The following IGSF5 variants were observed in gnomAD, a reference collection of about 807,000 sequenced individuals.
IGSF5 encodes immunoglobulin superfamily 5 like.
In IGSF5, 41 loss-of-function variants were observed where a neutral mutation model predicts 39.4. The observed-to-expected ratio is 1.04, with a 90% confidence interval of 0.81 to 1.35. The LOEUF is 1.35. IGSF5 is among the 40% of genes most tolerant of loss of function. IGSF5 has a pLI of 0.00. For missense variants in IGSF5, 487 were observed against 494.6 expected (o/e 0.98, Z 0.15); for synonymous variants, 183 against 175.3 (o/e 1.04, Z -0.34).
intron 5 of IGSF5, among the ~76,000 whole-genome samples, chr21:39,784,496 A>G (rs781050203): frequency 2.6e-5 from 4 of 152,224 alleles, no homozygotes; most frequent in Non-Finnish European, 5.9e-5. Context: ...ACTATCCTAT[A>G]GATTGGTAGT....
intron 2 of IGSF5, among the ~76,000 whole-genome samples, chr21:39,761,574 T>C (rs772976494): frequency 6.6e-6 from 1 of 152,144 alleles, no homozygotes; most frequent in Non-Finnish European, 1.5e-5. Context: ...ACAAATCAAA[T>C]AATCCAATTA....
chr21:39,738,594 G>C, the IGSF5 span, among the ~76,000 whole-genome samples: 7 of 152,182 alleles, frequency 4.6e-5, no homozygotes, highest in Admixed American at 2.0e-4. This position sits in a 1 kb window ranked among gnomAD's most constrained non-coding sequence, Gnocchi z 6.4. Context: ...ACCCAAACAA[G>C]TGGTTCGATT....
At chr21:39,794,821 CT>C (rs2086985697) in intron 8 of IGSF5, among the ~76,000 whole-genome samples, 2 of 152,068 alleles carry the variant, frequency 1.3e-5, no homozygotes, top group Non-Finnish European at 2.9e-5. Flanking sequence ...TGTGTGGCCC[CT>C]GATCATTCTT....
chr21:39,770,876 T>C (rs2837199), intron 3 of IGSF5, 40 bp from the exon 4 acceptor site: 491,024 of 1,300,128 alleles, frequency 0.38, 95,353 homozygotes, highest in Non-Finnish European at 0.41. Flanking sequence ...GCGAGAGGCA[T>C]GGTCATGTCT....
At chr21:39,747,409 T>A (rs443468) in intron 2 of IGSF5, among the ~76,000 whole-genome samples, 124,399 of 152,118 alleles carry the variant, frequency 0.82, 51,042 homozygotes, top group Admixed American at 0.86. Flanking sequence ...TTGGGTGGGG[T>A]CACAGCCAAA....
At chr21:39,773,282 T>A (rs113839993) in intron 4 of IGSF5, among the ~76,000 whole-genome samples, 5 of 152,300 alleles carry the variant, frequency 3.3e-5, no homozygotes, top group African/African-American at 1.2e-4. Context: ...TCCAGCTCCA[T>A]CCACGTCCTT....
intron 5 of IGSF5, among the ~76,000 whole-genome samples, chr21:39,787,552 GTTT>G (rs33925299): frequency 1.7e-5 from 2 of 119,904 alleles, no homozygotes. Context: ...TAATGACAGT[GTTT>G]TTTTTTTTTT....
the IGSF5 span, among the ~76,000 whole-genome samples, chr21:39,714,965 C>T: frequency 6.6e-6 from 1 of 152,188 alleles, no homozygotes; most frequent in Non-Finnish European, 1.5e-5. Context: ...GGGAAGCACC[C>T]ACTGGGTGAG....
intron 3 of IGSF5, among the ~76,000 whole-genome samples, chr21:39,766,106 G>C (rs1254583140): frequency 6.6e-6 from 1 of 151,974 alleles, no homozygotes; most frequent in Non-Finnish European, 1.5e-5. Flanking sequence ...CCTTCAGTTG[G>C]CAATAGGCTT....
chr21:39,774,970 C>T (rs2080132372), intron 4 of IGSF5, among the ~76,000 whole-genome samples: 1 of 152,192 alleles, frequency 6.6e-6, no homozygotes, highest in Admixed American at 6.5e-5. Context: ...AGTCCTCTCT[C>T]CCGGCTGTGG....
chr21:39,778,765 G>A (rs1177016389), intron 4 of IGSF5, among the ~76,000 whole-genome samples: 7 of 152,300 alleles, frequency 4.6e-5, no homozygotes, highest in East Asian at 1.9e-4. Context: ...GATGTCAAAC[G>A]TGACCATCAC....
chr21:39,731,248 T>C, the IGSF5 span, among the ~76,000 whole-genome samples: 4 of 152,374 alleles, frequency 2.6e-5, no homozygotes, highest in Admixed American at 6.5e-5. Flanking sequence ...TTATCGCTTC[T>C]TGCACACTTC....
chr21:39,715,949 A>G, the IGSF5 span, among the ~76,000 whole-genome samples: 127 of 152,314 alleles, frequency 8.3e-4, 1 homozygote, highest in East Asian at 0.015. Flanking sequence ...AAAATTTTAT[A>G]GGAAGTCTTT....
the IGSF5 span, among the ~76,000 whole-genome samples, chr21:39,716,664 C>T: frequency 6.6e-6 from 1 of 152,150 alleles, no homozygotes; most frequent in South Asian, 2.1e-4. Flanking sequence ...TGTGTTCCAG[C>T]GAAACACATG....
chr21:39,718,603 TA>T, the IGSF5 span, among the ~76,000 whole-genome samples: 1 of 152,262 alleles, frequency 6.6e-6, no homozygotes, highest in South Asian at 2.1e-4. Flanking sequence ...TTTGTTGAGA[TA>T]ATCATATGGT....
the IGSF5 span, chr21:39,726,108 C>G: frequency 6.6e-6 from 1 of 152,170 alleles, no homozygotes; most frequent in Non-Finnish European, 1.5e-5. Flanking sequence ...GTTCCTAATC[C>G]CCTCTCATTA....
intron 4 of IGSF5, among the ~76,000 whole-genome samples, chr21:39,777,740 T>G (rs1190793096): frequency 6.6e-6 from 1 of 152,198 alleles, no homozygotes; most frequent in Non-Finnish European, 1.5e-5. Flanking sequence ...TCCCTAGACC[T>G]GGTTCAGCTG....
intron 8 of IGSF5, 28 bp downstream of exon 8, chr21:39,793,641 G>A (rs1357313241): frequency 1.9e-6 from 3 of 1,571,722 alleles, no homozygotes; most frequent in Non-Finnish European, 2.6e-6. Flanking sequence ...CCCCCTTTTT[G>A]GACTTTTTTG....
chr21:39,719,557 G>T, the IGSF5 span, among the ~76,000 whole-genome samples: 1 of 151,980 alleles, frequency 6.6e-6, no homozygotes, highest in Non-Finnish European at 1.5e-5. Context: ...TTCTCTTCCA[G>T]GTCTTGTTCA....
Sources: gnomAD v4.1 joint callset for allele counts (sites outside exome capture counted in the v4.1 genomes callset) on GRCh38, gnomAD v4.1.1 for gene constraint, Gnocchi (gnomAD v3.1) non-coding constraint, MANE v1.5 for transcripts, NCBI Gene and HGNC (gene_info 2026-07-23, HGNC 2026-07-21) for gene names.